CTNNA2: variants seen among roughly 807,000 people sequenced by gnomAD.
CTNNA2 encodes catenin alpha-2.
Under a neutral mutation model 101.0 loss-of-function variants are expected in CTNNA2, and 42 were observed. The observed-to-expected ratio is 0.42, with a 90% CI of 0.32 to 0.54. The LOEUF is 0.54. Ranked by LOEUF, CTNNA2 falls within the 20% of genes least tolerant of loss-of-function variation. CTNNA2 has a pLI of 0.14. For synonymous variants in CTNNA2, 450 were observed against 456.4 expected (o/e 0.99, Z 0.18); for missense variants, 871 against 1,223.1 (o/e 0.71, Z 4.29).
intron 9 of CTNNA2, among the ~76,000 whole-genome samples, chr2:80,487,114 C>G (rs2149510759): frequency 6.6e-6 from 1 of 151,838 alleles, no homozygotes; most frequent in South Asian, 2.1e-4. Context: ...AACCCCGTCT[C>G]TACTAAAAAT....
intron 7 of CTNNA2, among the ~76,000 whole-genome samples, chr2:80,051,829 G>T (rs1696896911): frequency 6.6e-6 from 1 of 152,158 alleles, no homozygotes; most frequent in African/African-American, 2.4e-5. Flanking sequence ...AAGATGTGCA[G>T]AAAAGTGCCC....
chr2:79,209,046 T>A (rs7576668), intron 2 of CTNNA2, among the ~76,000 whole-genome samples: 32,532 of 152,058 alleles, frequency 0.21, 4,405 homozygotes, highest in African/African-American at 0.38. Context: ...TTGGGCATGG[T>A]GGCTCACGCT....
At chr2:80,480,959 G>A (rs1038317217) in intron 9 of CTNNA2, among the ~76,000 whole-genome samples, 2 of 152,118 alleles carry the variant, frequency 1.3e-5, no homozygotes. Flanking sequence ...GTGAACAGGT[G>A]AGTGAAATGT....
chr2:80,243,527 C>T (rs988559633), intron 7 of CTNNA2, among the ~76,000 whole-genome samples: 7 of 152,158 alleles, frequency 4.6e-5, no homozygotes, highest in South Asian at 4.1e-4. Flanking sequence ...AAACAATATG[C>T]ACTCTTTTTG....
At position 79,858,167 on chromosome 2, in the gene CTNNA2, C is replaced by G. The variant is rs1681289567; in HGVS notation, c.453C>G (p.Ser151=). 1.2e-6 allele frequency: 2 copies of G among 1,611,696 alleles called. No individual in the cohort carries two copies. Among genetic ancestry groups the G allele is most frequent in the Non-Finnish European group, 1.7e-6 (2 of 1,178,110 alleles). Residue 151 remains serine, a synonymous_variant, in exon 4 of 19, where the codon TCC becomes TCG. Coordinates refer to ENST00000402739, the MANE Select transcript of CTNNA2 (RefSeq NM_001282597.3). ...ADMADVMRLL[S]HLKIVEEALE... ...TGGCAGATGTCATGAGACTTTTATC[C>G]CATCTGAAAATTGTACGTATGTAGA... is the stretch of plus-strand genomic sequence containing the variant.
chr2:79,800,411 G>A (rs1352489509), intron 3 of CTNNA2, among the ~76,000 whole-genome samples: 1 of 152,042 alleles, frequency 6.6e-6, no homozygotes, highest in Non-Finnish European at 1.5e-5. Flanking sequence ...AATGAACATT[G>A]ACTTCCTTGT....
intron 3 of CTNNA2, among the ~76,000 whole-genome samples, chr2:79,778,664 G>A (rs1461340320): frequency 6.6e-6 from 1 of 151,976 alleles, no homozygotes; most frequent in East Asian, 1.9e-4. Context: ...TATTTTACTT[G>A]TTGATATTTA....
intron 7 of CTNNA2, among the ~76,000 whole-genome samples, chr2:80,228,001 T>C (rs945129024): frequency 6.6e-6 from 1 of 152,084 alleles, no homozygotes; most frequent in Non-Finnish European, 1.5e-5. Context: ...CTTTGATATG[T>C]GGCTGGTGGG....
At chr2:79,678,267 C>A (rs111807721) in intron 2 of CTNNA2, among the ~76,000 whole-genome samples, 1 of 152,000 alleles carries the variant, frequency 6.6e-6, no homozygotes, top group African/African-American at 2.4e-5. Flanking sequence ...CCATGCTGGG[C>A]GCGGTAGCTC....
At position 80,328,755 on chromosome 2, in the gene CTNNA2, C is replaced by A. The variant is rs145793692; in HGVS notation, c.1057-64456C>A. Among the ~76,000 whole-genome samples, 325 of 152,262 alleles carry A rather than the reference C, an allele frequency of 2.1e-3. 2 individuals carry two copies. The highest frequency in any genetic ancestry group is 7.3e-3 in the African/African-American group (304 of 41,548). On this transcript the variant is annotated intron_variant, in intron 7 of 18. Coordinates refer to ENST00000402739, the MANE Select transcript of CTNNA2 (RefSeq NM_001282597.3). ...TTGACAGGATATGTTCTGAGAAATG[C>A]GTTTTCATTGTTGGTCGAACATCGT...
chr2:80,613,509 G>C (rs1314262915), intron 17 of CTNNA2, among the ~76,000 whole-genome samples: 5 of 151,214 alleles, frequency 3.3e-5, no homozygotes, highest in African/African-American at 1.2e-4. Flanking sequence ...TCTGTTCTCT[G>C]AATTCAGACA....
At chr2:80,137,524 C>T (rs932212754) in intron 7 of CTNNA2, among the ~76,000 whole-genome samples, 5 of 151,984 alleles carry the variant, frequency 3.3e-5, no homozygotes, top group Admixed American at 3.3e-4. Flanking sequence ...ACTCCCTGGA[C>T]TAGGGAGGTA....
At chr2:79,435,427 T>C (rs927546974) in intron 4 of CTNNA2, among the ~76,000 whole-genome samples, 1 of 152,068 alleles carries the variant, frequency 6.6e-6, no homozygotes, top group Non-Finnish European at 1.5e-5. Context: ...GCAGGGAAAA[T>C]AAAATTTAGT....
intron 7 of CTNNA2, among the ~76,000 whole-genome samples, chr2:80,231,288 G>C (rs1270994951): frequency 6.6e-6 from 1 of 152,052 alleles, no homozygotes; most frequent in East Asian, 1.9e-4. Flanking sequence ...CACCCGGCCT[G>C]TTCCTGGTGT....
intron 2 of CTNNA2, among the ~76,000 whole-genome samples, chr2:79,706,897 G>A (rs1272606530): frequency 6.6e-6 from 1 of 152,126 alleles, no homozygotes; most frequent in Non-Finnish European, 1.5e-5. Context: ...ATCCAATATG[G>A]TAAGGTATGC....
At chr2:79,888,072 A>AAAAGT (rs1171136966) in intron 6 of CTNNA2, among the ~76,000 whole-genome samples, 18 of 152,214 alleles carry the variant, frequency 1.2e-4, no homozygotes, top group African/African-American at 4.3e-4. Context: ...TCATCCGTCA[A>AAAAGT]AAAGTGTTTA....
At chr2:80,570,329 G>T (rs539503972) in intron 12 of CTNNA2, among the ~76,000 whole-genome samples, 1 of 152,330 alleles carries the variant, frequency 6.6e-6, no homozygotes, top group Non-Finnish European at 1.5e-5. Context: ...AATTACACGT[G>T]TGAGCCACCG....
intron 7 of CTNNA2, among the ~76,000 whole-genome samples, chr2:80,029,940 A>C (rs542704508): frequency 7.2e-5 from 11 of 152,236 alleles, no homozygotes; most frequent in African/African-American, 2.4e-4. Context: ...GCAAGCACCC[A>C]CATTAGTGTG....
At chr2:79,199,298 T>A (rs112569240) in intron 2 of CTNNA2, among the ~76,000 whole-genome samples, 188 of 152,298 alleles carry the variant, frequency 1.2e-3, no homozygotes, top group African/African-American at 4.3e-3. Flanking sequence ...CTTGTTTAGG[T>A]AAATGCAAAG....
Sources: allele counts gnomAD v4.1 joint callset (sites outside exome capture counted in the v4.1 genomes callset), GRCh38; gene constraint gnomAD v4.1.1; transcripts MANE v1.5; gene names NCBI Gene and HGNC (gene_info 2026-07-23, HGNC 2026-07-21).